The following CADM1 variants were observed in gnomAD, a reference collection of about 807,000 sequenced individuals.
The protein encoded by CADM1 is cell adhesion molecule 1, also known as TSLC-1.
In CADM1, 15 loss-of-function variants were observed where a neutral mutation model predicts 53.1. That is an observed-to-expected ratio of 0.28 (90% confidence interval 0.19 to 0.44). The LOEUF is 0.44. CADM1 is among the 20% of genes least tolerant of loss of function. CADM1 has a pLI of 1.00. For synonymous variants in CADM1, 281 were observed against 243.0 expected, an observed-to-expected ratio of 1.16 and a Z score of -1.45; for missense variants, 434 against 611.3, an observed-to-expected ratio of 0.71 and a Z score of 3.06.
chr11:115,314,464 G>A (rs1039608223), intron 1 of CADM1, among the ~76,000 whole-genome samples: 5 of 152,128 alleles, frequency 3.3e-5, no homozygotes, highest in African/African-American at 4.8e-5. Context: ...TAATACAAGT[G>A]AGCCTTACTA....
At chr11:115,313,221 T>C (rs1176332619) in intron 1 of CADM1, among the ~76,000 whole-genome samples, 1 of 152,158 alleles carries the variant, frequency 6.6e-6, no homozygotes, top group Non-Finnish European at 1.5e-5. Flanking sequence ...AGCATACCAG[T>C]AGTACATACA....
chr11:115,296,271 G>T (rs1483613953), intron 1 of CADM1, among the ~76,000 whole-genome samples: 2 of 152,112 alleles, frequency 1.3e-5, no homozygotes, highest in African/African-American at 4.8e-5. Context: ...TTTTCTATTA[G>T]CCCCACTGGA....
At chr11:115,378,160 A>G (rs778773162) in intron 1 of CADM1, among the ~76,000 whole-genome samples, 3 of 152,172 alleles carry the variant, frequency 2.0e-5, no homozygotes, top group Non-Finnish European at 2.9e-5. Context: ...ACAACTTACA[A>G]TTCAAACCTG....
At chr11:115,470,965 G>A (rs907071068) in intron 1 of CADM1, among the ~76,000 whole-genome samples, 6 of 152,270 alleles carry the variant, frequency 3.9e-5, no homozygotes, top group East Asian at 3.9e-4. Context: ...CCCTTTCCTC[G>A]TGTCAGCAGA....
At chr11:115,194,418 C>T (rs944694614) in intron 9 of CADM1, among the ~76,000 whole-genome samples, 1 of 152,168 alleles carries the variant, frequency 6.6e-6, no homozygotes, top group Non-Finnish European at 1.5e-5. Context: ...AAGGGCTGTG[C>T]TCGTAGGGTA....
At chr11:115,339,600 A>T (rs576327729) in intron 1 of CADM1, among the ~76,000 whole-genome samples, 1 of 152,238 alleles carries the variant, frequency 6.6e-6, no homozygotes, top group Non-Finnish European at 1.5e-5. Flanking sequence ...CTCTTCACTA[A>T]TTTTACTTAT....
Position 115,174,036 on chromosome 11 carries a change from C to T in CADM1, c.*2438G>A. On this transcript the variant is annotated 3_prime_UTR_variant, in exon 12 of 12. Transcript: ENST00000331581. ...CATAAACCAATATACAACTAAAATC[C>T]ATAATTTCCTGTTTTTGCTTTGTTT... 1 of 974,726 alleles carries T rather than the reference C, an allele frequency of 1.0e-6. No homozygotes were observed. 60.4% of individuals were successfully genotyped at this position (974,726 alleles called of 1,614,324 possible).
intron 5 of CADM1, among the ~76,000 whole-genome samples, chr11:115,222,373 G>C (rs144520263): frequency 1.4e-3 from 216 of 152,174 alleles, no homozygotes; most frequent in African/African-American, 5.1e-3. Flanking sequence ...CTAAATTGTT[G>C]GGGGAGGACA....
Position 115,176,311 on chromosome 11 carries a change from CA to C in CADM1, c.*162del. On this transcript the variant is annotated 3_prime_UTR_variant, in exon 12 of 12. Coordinates refer to ENST00000331581, the MANE Select transcript of CADM1 (RefSeq NM_001301043.2). ...ACAGCAGAGTGTACTTTCCAAAGAA[CA>C]TTTTTTTTTTTTTTACACAGCAAAT... 4.0e-6 allele frequency: 6 copies of C among 1,481,756 alleles called. No individual in the cohort carries two copies. The highest frequency in any genetic ancestry group is 2.6e-5 in the South Asian group (2 of 78,048). The allele number at this position is 1,481,756 out of a possible 1,614,324, so 91.8% of individuals were successfully genotyped here.
At chr11:115,455,277 C>G (rs1487697906) in intron 1 of CADM1, among the ~76,000 whole-genome samples, 1 of 151,916 alleles carries the variant, frequency 6.6e-6, no homozygotes, top group Non-Finnish European at 1.5e-5. Flanking sequence ...ACGTGCAACT[C>G]CCACTGAAAA....
intron 1 of CADM1, among the ~76,000 whole-genome samples, chr11:115,307,882 G>A (rs1211220279): frequency 6.6e-6 from 1 of 151,688 alleles, no homozygotes; most frequent in African/African-American, 2.4e-5. Context: ...CCTAGTGTTT[G>A]ATAGCTACAA....
chr11:115,453,363 A>AC (rs1394162557), intron 1 of CADM1, among the ~76,000 whole-genome samples: 1 of 139,576 alleles, frequency 7.2e-6, no homozygotes, highest in Non-Finnish European at 1.5e-5. Flanking sequence ...GAAACCCTAT[A>AC]CCCCCCTCGC....
intron 1 of CADM1, among the ~76,000 whole-genome samples, chr11:115,442,749 T>C (rs1948349771): frequency 6.6e-6 from 1 of 152,194 alleles, no homozygotes. Context: ...CTTGATATTA[T>C]AACAACTCTT....
intron 1 of CADM1, among the ~76,000 whole-genome samples, chr11:115,362,730 T>C (rs1206819847): frequency 6.6e-6 from 1 of 152,198 alleles, no homozygotes; most frequent in Non-Finnish European, 1.5e-5. Flanking sequence ...AAAGGCAAGA[T>C]ACTATTTAAT....
intron 6 of CADM1, among the ~76,000 whole-genome samples, chr11:115,217,020 A>G (rs917771210): frequency 2.0e-5 from 3 of 152,200 alleles, no homozygotes; most frequent in Admixed American, 6.5e-5. Flanking sequence ...GGGTACCACT[A>G]AAGTTTGAGC....
chr11:115,295,017 C>A (rs1944013121), intron 1 of CADM1, among the ~76,000 whole-genome samples: 1 of 152,030 alleles, frequency 6.6e-6, no homozygotes, highest in African/African-American at 2.4e-5. Context: ...CCAGCCTGGG[C>A]AACAAGAGTG....
At chr11:115,338,615 C>A (rs1469911616) in intron 1 of CADM1, among the ~76,000 whole-genome samples, 2 of 152,272 alleles carry the variant, frequency 1.3e-5, no homozygotes, top group East Asian at 3.9e-4. Context: ...ACGGCAGATG[C>A]TCACACGTAG....
intron 10 of CADM1, among the ~76,000 whole-genome samples, chr11:115,182,632 C>T (rs1939364190): frequency 6.6e-6 from 1 of 152,190 alleles, no homozygotes; most frequent in Admixed American, 6.5e-5. Flanking sequence ...CGCTGTGTCA[C>T]CCTTCACTCC....
Position 115,175,408 on chromosome 11 carries a change from A to G in CADM1, c.*1066T>C. 1.6e-5 allele frequency: 16 copies of G among 985,340 alleles called. No individual in the cohort carries two copies. Among genetic ancestry groups the G allele is most frequent in the Non-Finnish European group, 1.9e-5 (16 of 829,842 alleles). 61.0% of individuals were successfully genotyped at this position (985,340 alleles called of 1,614,324 possible). ...AAAAAAAATCAACTCTGTCCCATTC[A>G]GTCATTCGCACAACAGACGAACTTG... On this transcript the variant is annotated 3_prime_UTR_variant, in exon 12 of 12. Coordinates refer to ENST00000331581, the MANE Select transcript of CADM1 (RefSeq NM_001301043.2).
Sources: allele counts gnomAD v4.1 joint callset (sites outside exome capture counted in the v4.1 genomes callset), GRCh38; gene constraint gnomAD v4.1.1; transcripts MANE v1.5; gene names NCBI Gene and HGNC (gene_info 2026-07-23, HGNC 2026-07-21).